The following ASIC2 variants were observed in gnomAD, a reference collection of about 807,000 sequenced individuals.
The protein encoded by ASIC2 is acid-sensing ion channel 2.
ASIC2 carries 25 observed loss-of-function variants against 57.3 expected under a neutral mutation model. The observed-to-expected ratio is 0.44, with a 90% confidence interval of 0.32 to 0.61. ASIC2 has a LOEUF of 0.61. Ranked by LOEUF, ASIC2 falls within the 20% of genes least tolerant of loss-of-function variation. The pLI, the probability that ASIC2 is intolerant of heterozygous loss-of-function variation, is 0.06. For synonymous variants in ASIC2, 319 were observed against 307.5 expected (o/e 1.04, Z -0.39); for missense variants, 641 against 738.1 (o/e 0.87, Z 1.52).
intron 1 of ASIC2, among the ~76,000 whole-genome samples, chr17:33,389,562 C>A (rs183926167): frequency 6.6e-6 from 1 of 152,160 alleles, no homozygotes; most frequent in African/African-American, 2.4e-5. Context: ...CATGAAAAAA[C>A]TATGAGGCTA....
intron 1 of ASIC2, among the ~76,000 whole-genome samples, chr17:34,084,711 A>G (rs1430129552): frequency 6.6e-6 from 1 of 152,042 alleles, no homozygotes; most frequent in East Asian, 1.9e-4. Context: ...ATCCTCTTTT[A>G]TTTCATTGAG....
At chr17:33,516,969 G>A (rs912987604) in intron 1 of ASIC2, among the ~76,000 whole-genome samples, 8 of 152,178 alleles carry the variant, frequency 5.3e-5, no homozygotes, top group Admixed American at 4.6e-4. Context: ...TATCGGTGCC[G>A]CATGGGTCTG....
intron 1 of ASIC2, among the ~76,000 whole-genome samples, chr17:33,201,987 A>T (rs1906882574): frequency 6.8e-6 from 1 of 147,578 alleles, no homozygotes; most frequent in Non-Finnish European, 1.5e-5. Flanking sequence ...GACCAAGATC[A>T]TGCCACTTGG....
intron 1 of ASIC2, among the ~76,000 whole-genome samples, chr17:33,222,210 A>C (rs943646231): frequency 1.3e-5 from 2 of 152,276 alleles, no homozygotes; most frequent in African/African-American, 4.8e-5. Context: ...ATAGTTAAAT[A>C]AAATGTAATA....
chr17:33,217,326 G>A (rs988238010), intron 1 of ASIC2, among the ~76,000 whole-genome samples: 20 of 152,164 alleles, frequency 1.3e-4, no homozygotes, highest in African/African-American at 4.6e-4. Context: ...CTTTCTGCAG[G>A]AGACCTTCCC....
intron 1 of ASIC2, among the ~76,000 whole-genome samples, chr17:33,118,531 G>A (rs2092289313): frequency 6.6e-6 from 1 of 152,114 alleles, no homozygotes; most frequent in Non-Finnish European, 1.5e-5. Flanking sequence ...AGCCTACTTT[G>A]TTCCTGGCAG....
chr17:33,607,615 C>T (rs1905262599), intron 1 of ASIC2, among the ~76,000 whole-genome samples: 1 of 152,226 alleles, frequency 6.6e-6, no homozygotes, highest in Non-Finnish European at 1.5e-5. Flanking sequence ...ATGTCTACAT[C>T]TCCCCGATGA....
chr17:33,765,985 C>T (rs1336868646), intron 1 of ASIC2, among the ~76,000 whole-genome samples: 2 of 152,218 alleles, frequency 1.3e-5, no homozygotes, highest in Non-Finnish European at 2.9e-5. Context: ...GTAGGCCACC[C>T]TCTCTTGGCA....
intron 1 of ASIC2, among the ~76,000 whole-genome samples, chr17:33,130,252 A>T (rs531884161): frequency 6.6e-6 from 1 of 152,200 alleles, no homozygotes; most frequent in South Asian, 2.1e-4. Flanking sequence ...AGCGACGTTA[A>T]ATTCTCCTCT....
intron 1 of ASIC2, among the ~76,000 whole-genome samples, chr17:33,418,079 C>T (rs1446783968): frequency 1.6e-5 from 2 of 126,688 alleles, no homozygotes; most frequent in African/African-American, 3.4e-5. Flanking sequence ...TGTGTGTGTG[C>T]AGCCATGCTC....
In ASIC2 at chr17:33,291,885, C is replaced by T. The variant is rs1209301295; in HGVS notation, c.231G>A (p.Thr77=). ...GCCGCTGGAAGGAGCCCCCAGCCGC[C>T]GTGCGCCCGGCACACATGTGCCGCA... The part of the protein sequence containing the change: ...HGLRHMCAGR[T]AAGGSFQRRA... The change falls in exon 1 of 10, where the codon ACG becomes ACA. Residue 77 remains threonine (T), a synonymous_variant. Coordinates refer to ENST00000225823, the MANE Select transcript of ASIC2 (RefSeq NM_183377.2). 1.2e-6 allele frequency: 2 copies of T among 1,605,256 alleles called. No individual in the cohort carries two copies. Among genetic ancestry groups the T allele is most frequent in the Non-Finnish European group, 1.7e-6 (2 of 1,178,886 alleles).
intron 2 of ASIC2, chr17:33,100,122 G>GA (rs1336694612): frequency 2.0e-5 from 3 of 152,284 alleles, no homozygotes; most frequent in Admixed American, 6.5e-5. Flanking sequence ...GGGGGTGGGG[G>GA]AAGGCAGAGA....
chr17:34,000,762 C>T (rs371441830), intron 1 of ASIC2: 5 of 152,164 alleles, frequency 3.3e-5, no homozygotes, highest in African/African-American at 1.2e-4. Context: ...GCTTTCTTCA[C>T]TCTATTTCAT....
intron 1 of ASIC2, among the ~76,000 whole-genome samples, chr17:33,224,650 T>C (rs1048319110): frequency 6.6e-6 from 1 of 152,240 alleles, no homozygotes; most frequent in Non-Finnish European, 1.5e-5. Flanking sequence ...GAATTCTCAC[T>C]GCCATTCAAT....
chr17:33,404,301 G>A (rs1460957822), intron 1 of ASIC2, among the ~76,000 whole-genome samples: 1 of 152,198 alleles, frequency 6.6e-6, no homozygotes, highest in Admixed American at 6.5e-5. Flanking sequence ...TTGTTGAATT[G>A]CACACTTGAG....
intron 1 of ASIC2, among the ~76,000 whole-genome samples, chr17:33,328,837 A>T (rs1907186603): frequency 6.6e-6 from 1 of 152,258 alleles, no homozygotes; most frequent in Non-Finnish European, 1.5e-5. Flanking sequence ...CTAACCAGAT[A>T]CTATATATAC....
At chr17:33,633,266 T>G (rs1353893624) in intron 1 of ASIC2, among the ~76,000 whole-genome samples, 1 of 152,192 alleles carries the variant, frequency 6.6e-6, no homozygotes, top group Non-Finnish European at 1.5e-5. Context: ...AAGGCTCTTG[T>G]GTGAGCCATT....
intron 1 of ASIC2, among the ~76,000 whole-genome samples, chr17:33,592,332 G>GGT (rs1374809692): frequency 6.6e-6 from 1 of 152,230 alleles, no homozygotes; most frequent in East Asian, 1.9e-4. Context: ...TCTTAACCTT[G>GGT]GTGTTCACTA....
At position 33,537,253 on chromosome 17, in the gene ASIC2, C is replaced by T. The variant is rs142740908; in HGVS notation, c.556-425186G>A. 1.8e-3 allele frequency among the ~76,000 whole-genome samples: 275 copies of T among 152,250 alleles called. 1 individual carries two copies. Among genetic ancestry groups the T allele is most frequent in the African/African-American group, 6.3e-3 (261 of 41,550 alleles). On this transcript the variant is annotated intron_variant, in intron 1 of 9. Coordinates refer to the ASIC2 transcript ENST00000359872. ...ATAGCTTGTTCTGGTGTCAGGGTCT[C>T]TGTGTTTGCTGATCCCTTTGCCTCA...
Sources: gnomAD v4.1 joint callset for allele counts (sites outside exome capture counted in the v4.1 genomes callset) on GRCh38, gnomAD v4.1.1 for gene constraint, MANE v1.5 for transcripts, NCBI Gene and HGNC (gene_info 2026-07-23, HGNC 2026-07-21) for gene names.